The following NRG3 variants were observed in gnomAD, a reference collection of about 807,000 sequenced individuals.
NRG3 encodes pro-neuregulin-3, membrane-bound isoform.
In NRG3, 31 loss-of-function variants were observed where a neutral mutation model predicts 66.9. The ratio of observed to expected loss-of-function variants is 0.46; its 90% CI spans 0.35 to 0.63. The LOEUF (loss-of-function observed/expected upper bound fraction) is 0.63. Ranked by LOEUF, NRG3 falls within the 20% of genes least tolerant of loss-of-function variation. The probability of loss-of-function intolerance (pLI) is 0.00; values close to 1 mark genes in which losing one functional copy is unlikely to be tolerated. For missense variants in NRG3, 910 were observed against 878.9 expected, an observed-to-expected ratio of 1.04 and a Z score of -0.45; for synonymous variants, 393 against 359.4, an observed-to-expected ratio of 1.09 and a Z score of -1.06.
At chr10:82,713,119 C>CAAAAAAAAAA (rs369968319) in intron 2 of NRG3, among the ~76,000 whole-genome samples, 1 of 55,362 alleles carries the variant, frequency 1.8e-5, no homozygotes, top group Non-Finnish European at 3.0e-5. Context: ...GACTTCATCT[C>CAAAAAAAAAA]AAAAAAAAAA....
chr10:82,396,630 A>G (rs2086731752), intron 2 of NRG3, among the ~76,000 whole-genome samples: 2 of 152,188 alleles, frequency 1.3e-5, no homozygotes, highest in South Asian at 2.1e-4. Context: ...TGTTATTTAC[A>G]TAGTGATTTG....
intron 1 of NRG3, among the ~76,000 whole-genome samples, chr10:82,350,188 A>C (rs1050191361): frequency 1.3e-5 from 2 of 152,248 alleles, no homozygotes; most frequent in Non-Finnish European, 2.9e-5. Context: ...TATGTTTTTC[A>C]TCATTCATTT....
intron 2 of NRG3, among the ~76,000 whole-genome samples, chr10:82,566,957 T>C (rs1470393101): frequency 2.0e-5 from 3 of 151,938 alleles, no homozygotes; most frequent in Non-Finnish European, 2.9e-5. Context: ...AGTTTATTTC[T>C]TATTCATGTA....
chr10:82,459,416 CATT>C (rs2091415934), intron 2 of NRG3, among the ~76,000 whole-genome samples: 2 of 152,154 alleles, frequency 1.3e-5, no homozygotes, highest in Admixed American at 1.3e-4. Flanking sequence ...TATATGTATT[CATT>C]CATTCAAAAA....
intron 2 of NRG3, among the ~76,000 whole-genome samples, chr10:82,649,429 T>C (rs1255226434): frequency 2.7e-5 from 4 of 150,294 alleles, no homozygotes; most frequent in Admixed American, 2.6e-4. Context: ...CAGTAAATTC[T>C]CCTGGCAGTA....
rs191940250 is a variant in NRG3, at chr10:82,712,771, G to A, written c.954-25806G>A. On this transcript the variant is annotated intron_variant, in intron 2 of 8. Transcript: ENST00000372141. ...CCTGGAGGAGGAGCTTCTTAGGCAC[G>A]TGGAACATGAGAATATTACTGATGT... 2.4e-3 allele frequency among the ~76,000 whole-genome samples: 372 copies of A among 152,206 alleles called. 2 individuals carry two copies. The highest frequency in any genetic ancestry group is 8.2e-3 in the African/African-American group (339 of 41,526).
chr10:82,807,340 G>GC (rs1565336846), intron 3 of NRG3, among the ~76,000 whole-genome samples: 1 of 152,154 alleles, frequency 6.6e-6, no homozygotes, highest in African/African-American at 2.4e-5. Context: ...AAGTAAACTT[G>GC]CAAGGACTCA....
At chr10:82,867,391 GAGCTAA>G (rs147034994) in intron 4 of NRG3, among the ~76,000 whole-genome samples, 2,507 of 152,298 alleles carry the variant, frequency 0.016, 72 homozygotes, top group African/African-American at 0.057. Flanking sequence ...CTATTAGCTA[GAGCTAA>G]ATTACATGAC....
chr10:82,972,809 T>C (rs1851891289), intron 6 of NRG3, among the ~76,000 whole-genome samples: 2 of 151,984 alleles, frequency 1.3e-5, no homozygotes, highest in Admixed American at 1.3e-4. Flanking sequence ...TTCAAAAAGG[T>C]TGATTAACTT....
intron 1 of NRG3, among the ~76,000 whole-genome samples, chr10:81,891,139 C>T (rs555820430): frequency 7.2e-5 from 11 of 152,270 alleles, no homozygotes; most frequent in Admixed American, 6.5e-4. Context: ...ATTGGATGAA[C>T]CTCTTGACCT....
chr10:81,919,508 TTCATCATCA>T (rs3061972), intron 1 of NRG3, among the ~76,000 whole-genome samples: 3 of 151,776 alleles, frequency 2.0e-5, no homozygotes, highest in African/African-American at 7.3e-5. Context: ...TTTCATTAAC[TTCATCATCA>T]TCATCATCAT....
chr10:82,083,383 C>T (rs991115816), intron 1 of NRG3, among the ~76,000 whole-genome samples: 3 of 151,936 alleles, frequency 2.0e-5, no homozygotes, highest in Non-Finnish European at 4.4e-5. Flanking sequence ...TGTTTGTCTC[C>T]AGCCTGAGTG....
intron 1 of NRG3, among the ~76,000 whole-genome samples, chr10:82,322,446 G>T (rs1312213317): frequency 6.6e-6 from 1 of 151,998 alleles, no homozygotes; most frequent in African/African-American, 2.4e-5. Context: ...GGATCAGGGA[G>T]ATTTGAATAC....
At chr10:82,711,661 T>C (rs1001377243) in intron 2 of NRG3, among the ~76,000 whole-genome samples, 2 of 152,086 alleles carry the variant, frequency 1.3e-5, no homozygotes, top group Non-Finnish European at 2.9e-5. Context: ...CTCTGACTTC[T>C]TCCAATGCTA....
At chr10:82,002,251 G>A (rs1237803983) in intron 1 of NRG3, among the ~76,000 whole-genome samples, 1 of 152,084 alleles carries the variant, frequency 6.6e-6, no homozygotes, top group Non-Finnish European at 1.5e-5. Context: ...CTCATTACCT[G>A]AGTCCCAGGA....
Position 82,986,539 on chromosome 10 carries a change from C to A in NRG3, c.*934C>A, listed in dbSNP as rs1020725981. ...TCTACTATTCAGAAAAATTATTTCC[C>A]TCTTAGATCTTTTCACTTTAAATTT... On this transcript the variant is annotated 3_prime_UTR_variant, in exon 9 of 9. Coordinates refer to ENST00000372141, the MANE Select transcript of NRG3 (RefSeq NM_001010848.4). 6.6e-6 allele frequency: 1 copy of A among 152,284 alleles called. No homozygotes were observed. Among genetic ancestry groups the A allele is most frequent in the South Asian group, 2.1e-4 (1 of 4,826 alleles). 9.4% of individuals were successfully genotyped at this position (152,284 alleles called of 1,614,324 possible).
intron 2 of NRG3, among the ~76,000 whole-genome samples, chr10:82,654,129 G>A (rs566724161): frequency 1.1e-4 from 17 of 152,238 alleles, no homozygotes; most frequent in Middle Eastern, 6.8e-3. Context: ...GGATGCGACC[G>A]TAAGTGAATA....
intron 4 of NRG3, among the ~76,000 whole-genome samples, chr10:82,946,151 C>T (rs1848994966): frequency 6.6e-6 from 1 of 150,510 alleles, no homozygotes; most frequent in Non-Finnish European, 1.5e-5. Flanking sequence ...GTGGAGCTTA[C>T]TGTGCAAGGC....
chr10:82,199,084 G>A (rs1564655243), intron 1 of NRG3, among the ~76,000 whole-genome samples: 1 of 148,734 alleles, frequency 6.7e-6, no homozygotes, highest in African/African-American at 2.5e-5. Context: ...CAGGAGAATT[G>A]TTGGAACCTG....
Sources: allele counts gnomAD v4.1 joint callset (sites outside exome capture counted in the v4.1 genomes callset), GRCh38; gene constraint gnomAD v4.1.1; transcripts MANE v1.5; gene names NCBI Gene and HGNC (gene_info 2026-07-23, HGNC 2026-07-21).